The following ZNF521 variants were observed in gnomAD, a reference collection of about 807,000 sequenced individuals.
ZNF521 encodes LYST-interacting protein 3.
In ZNF521, 14 loss-of-function variants were observed where a neutral mutation model predicts 105.5. The ratio of observed to expected loss-of-function variants is 0.13; its 90% CI spans 0.09 to 0.21. The LOEUF (loss-of-function observed/expected upper bound fraction) is 0.21. Ranked by LOEUF, ZNF521 falls within the 10% of genes least tolerant of loss-of-function variation. The probability of loss-of-function intolerance (pLI) is 1.00; values close to 1 mark genes in which losing one functional copy is unlikely to be tolerated. For missense variants in ZNF521, 1,233 were observed against 1,629.7 expected, an observed-to-expected ratio of 0.76 and a Z score of 4.19; for synonymous variants, 635 against 606.0, an observed-to-expected ratio of 1.05 and a Z score of -0.70.
chr18:25,247,588 A>T (rs1053678669), intron 3 of ZNF521, among the ~76,000 whole-genome samples: 8 of 152,206 alleles, frequency 5.3e-5, no homozygotes, highest in African/African-American at 1.9e-4. Flanking sequence ...TTCTCAGGCA[A>T]CACTACAGCC....
intron 5 of ZNF521, among the ~76,000 whole-genome samples, chr18:25,111,683 G>T (rs1249861917): frequency 6.6e-6 from 1 of 152,140 alleles, no homozygotes; most frequent in African/African-American, 2.4e-5. Flanking sequence ...TTTTTAAGGG[G>T]CTAAACTGCC....
chr18:25,209,970 AT>A (rs1173873651), intron 4 of ZNF521, among the ~76,000 whole-genome samples: 4 of 152,154 alleles, frequency 2.6e-5, no homozygotes, highest in Non-Finnish European at 5.9e-5. Context: ...TGGAAATATG[AT>A]TCCTCATTTA....
At chr18:25,073,444 T>G (rs2033274771) in intron 7 of ZNF521, among the ~76,000 whole-genome samples, 1 of 152,252 alleles carries the variant, frequency 6.6e-6, no homozygotes, top group Admixed American at 6.5e-5. Flanking sequence ...TGGCATCATT[T>G]ACTTCACTTC....
Position 25,224,868 on chromosome 18 carries a change from A to G in ZNF521, c.3050T>C (p.Leu1017Pro). 6.2e-7 allele frequency: 1 copy of G among 1,614,054 alleles called. No homozygotes were observed. The highest frequency in any genetic ancestry group is 8.5e-7 in the Non-Finnish European group (1 of 1,180,022). Residue 1017 changes from leucine to proline, a missense_variant, in exon 4 of 8, where the codon CTG becomes CCG. Coordinates refer to ENST00000361524, the MANE Select transcript of ZNF521 (RefSeq NM_015461.3). ...CQMHPDLRNS[L>P]TGFRCVVCMQ... is the part of the protein sequence containing the mutation. ...GCACACCACGCAGCGAAAGCCTGTC[A>G]GGGAATTCCTCAAGTCAGGGTGCAT...
intron 3 of ZNF521, among the ~76,000 whole-genome samples, chr18:25,236,525 G>C (rs1906905329): frequency 7.0e-6 from 1 of 142,538 alleles, no homozygotes; most frequent in African/African-American, 2.7e-5. Context: ...GACACAGTGA[G>C]ACTCCATCTC....
At chr18:25,106,124 G>A (rs1435549213) in intron 5 of ZNF521, among the ~76,000 whole-genome samples, 13 of 152,016 alleles carry the variant, frequency 8.6e-5, no homozygotes, top group Non-Finnish European at 7.4e-5. Flanking sequence ...TTGCTCTTAT[G>A]GGTGAGAAAA....
chr18:25,114,300 T>C (rs2034260203), intron 5 of ZNF521, among the ~76,000 whole-genome samples: 1 of 152,222 alleles, frequency 6.6e-6, no homozygotes, highest in South Asian at 2.1e-4. Context: ...AAAGAGGATG[T>C]CATTTTTATA....
chr18:25,344,359 AT>A (rs1598494398), intron 2 of ZNF521, among the ~76,000 whole-genome samples: 1 of 151,958 alleles, frequency 6.6e-6, no homozygotes, highest in Non-Finnish European at 1.5e-5. Context: ...AAATTTACTA[AT>A]GTTAACTTTA....
intron 3 of ZNF521, among the ~76,000 whole-genome samples, chr18:25,261,390 A>G (rs961894977): frequency 6.6e-6 from 1 of 151,990 alleles, no homozygotes; most frequent in East Asian, 1.9e-4. Context: ...CAATTTTACA[A>G]TTTTATGCTA....
intron 3 of ZNF521, among the ~76,000 whole-genome samples, chr18:25,294,518 G>T (rs1255309645): frequency 6.6e-6 from 1 of 152,106 alleles, no homozygotes; most frequent in Non-Finnish European, 1.5e-5. Flanking sequence ...AAATGTACAT[G>T]GCAAACCTGT....
At chr18:25,294,692 T>A (rs1331196915) in intron 3 of ZNF521, among the ~76,000 whole-genome samples, 2 of 151,460 alleles carry the variant, frequency 1.3e-5, no homozygotes, top group Non-Finnish European at 2.9e-5. Flanking sequence ...CCATCTCCAC[T>A]AAAAATACAA....
intron 7 of ZNF521, among the ~76,000 whole-genome samples, chr18:25,064,734 C>T (rs963844726): frequency 4.6e-5 from 7 of 152,286 alleles, no homozygotes; most frequent in Middle Eastern, 3.4e-3. Context: ...ATTGGGGCTG[C>T]GTGCAGAAGT....
chr18:25,287,194 G>C (rs541949069), intron 3 of ZNF521, among the ~76,000 whole-genome samples: 1 of 152,172 alleles, frequency 6.6e-6, no homozygotes, highest in African/African-American at 2.4e-5. Context: ...GGGGGGCCTG[G>C]TCGGCTTCTC....
chr18:25,270,821 T>C (rs1909605079), intron 3 of ZNF521, among the ~76,000 whole-genome samples: 1 of 152,158 alleles, frequency 6.6e-6, no homozygotes, highest in African/African-American at 2.4e-5. Context: ...GCTAATATCA[T>C]ACTGAATGGG....
At chr18:25,118,534 A>G (rs1330071932) in intron 5 of ZNF521, among the ~76,000 whole-genome samples, 2 of 152,076 alleles carry the variant, frequency 1.3e-5, no homozygotes. Flanking sequence ...CAAAGTGTCT[A>G]CATTTAATAA....
chr18:25,280,318 C>G (rs1910284030), intron 3 of ZNF521, among the ~76,000 whole-genome samples: 1 of 152,010 alleles, frequency 6.6e-6, no homozygotes, highest in South Asian at 2.1e-4. Flanking sequence ...TCATTGAAGG[C>G]ACACGACAAT....
At chr18:25,250,123 T>A (rs915877112) in intron 3 of ZNF521, among the ~76,000 whole-genome samples, 2 of 152,118 alleles carry the variant, frequency 1.3e-5, no homozygotes, top group African/African-American at 4.8e-5. Context: ...GTATTTTTAG[T>A]AGAGACGGGG....
rs759251765 is a variant in ZNF521 at position 25,224,393 on chromosome 18, C to T, written c.3525G>A (p.Thr1175=). The T allele has an allele frequency of 6.2e-6, 10 of 1,612,928 alleles. No individual in the cohort carries two copies. Among genetic ancestry groups the T allele is most frequent in the Admixed American group, 3.3e-5 (2 of 59,838 alleles). The change falls in exon 4 of 8, where the codon ACG becomes ACA. Residue 1175 remains threonine (T), a synonymous_variant. Transcript: ENST00000361524. ...TTCTGGGCATTGGTGATACTTGGGG[C>T]GTTTTCAACTGTGTGCTGTTGCTGT... is the stretch of plus-strand genomic sequence containing the variant. ...VPDSNSTQLK[T]PQVSPMPRIS...
At chr18:25,297,308 G>A (rs1911378062) in intron 3 of ZNF521, among the ~76,000 whole-genome samples, 1 of 152,000 alleles carries the variant, frequency 6.6e-6, no homozygotes. Flanking sequence ...TTGTAATCCA[G>A]TTTTGCTAAC....
Sources: allele counts gnomAD v4.1 joint callset (sites outside exome capture counted in the v4.1 genomes callset), GRCh38; gene constraint gnomAD v4.1.1; transcripts MANE v1.5; gene names NCBI Gene and HGNC (gene_info 2026-07-23, HGNC 2026-07-21).